Variants in SMIM41 observed in about 807,000 individuals in gnomAD.
SMIM41 encodes the protein small integral membrane protein 41.
intron 2 of SMIM41, among the ~76,000 whole-genome samples, chr12:52,091,645 C>T (rs188792848): frequency 3.3e-5 from 5 of 152,158 alleles, no homozygotes; most frequent in African/African-American, 1.2e-4. Context: ...TGTTATTGAA[C>T]GTTATTGAAC....
intron 2 of SMIM41, among the ~76,000 whole-genome samples, chr12:52,099,076 G>T (rs1940164024): frequency 6.6e-6 from 1 of 151,350 alleles, no homozygotes; most frequent in Non-Finnish European, 1.5e-5. Context: ...ATTGGGAGTA[G>T]TATCCTCTCT....
At position 52,081,160 on chromosome 12, in the gene SMIM41, C is replaced by T. The variant is rs1461051999; in HGVS notation, c.*120+979C>T. Among the ~76,000 whole-genome samples the T allele has an allele frequency of 6.6e-6, 1 of 152,096 alleles. No individual in the cohort carries two copies. The highest frequency in any genetic ancestry group is 2.1e-4 in the South Asian group (1 of 4,828). On this transcript the variant is annotated intron_variant, in intron 1 of 2. Transcript: ENST00000546390. This position sits in a 1 kb window ranked among gnomAD's most constrained non-coding sequence, Gnocchi z 4.1. ...GACAGAGCCACAGGGGCTGGAGAGG[C>T]CTTCTCTGTTCCTTCCCTCTGTTCA...
At position 52,095,705 on chromosome 12, in the gene SMIM41, C is replaced by T. The variant is rs140869120; in HGVS notation, c.*196-11674C>T. Among the ~76,000 whole-genome samples, 161 of 152,094 alleles carry T rather than the reference C, an allele frequency of 1.1e-3. 1 individual carries two copies. The highest frequency in any genetic ancestry group is 3.7e-3 in the African/African-American group (153 of 41,456). The stretch of plus-strand genomic sequence containing the variant: ...TCACTGGGGTGGTGTACATTTTCTG[C>T]GGTATTGGGAGTAACATCATCCTCT... On this transcript the variant is annotated intron_variant, in intron 2 of 2. Transcript: ENST00000546390.
At position 52,108,236 on chromosome 12, in the gene SMIM41, C is replaced by G. The variant is rs1446286341; in HGVS notation, c.*1053C>G. The stretch of plus-strand genomic sequence containing the variant: ...TGGGAAACAGGGATATTAAAAGTGT[C>G]TTGCGGCGGCCGCACGGCAGCACTG... On this transcript the variant is annotated 3_prime_UTR_variant, in exon 3 of 3. Coordinates refer to ENST00000546390, the MANE Select transcript of SMIM41 (RefSeq NM_001369216.1). 3 of 174,762 alleles carry G rather than the reference C, an allele frequency of 1.7e-5. No individual in the cohort carries two copies. Among genetic ancestry groups the G allele is most frequent in the Non-Finnish European group, 3.6e-5 (3 of 83,118 alleles). The allele number at this position is 174,762 out of a possible 1,614,324, so 10.8% of individuals were successfully genotyped here. A position where few individuals can be genotyped will look rare whatever the true frequency, so the allele number is the denominator to read the frequency against.
At chr12:52,102,982 A>T (rs1473532304) in intron 2 of SMIM41, among the ~76,000 whole-genome samples, 4 of 152,208 alleles carry the variant, frequency 2.6e-5, no homozygotes, top group African/African-American at 9.6e-5. Context: ...ATGAATGAAA[A>T]AACACGCTGC....
At chr12:52,084,373 C>CA (rs1221772416) in intron 2 of SMIM41, among the ~76,000 whole-genome samples, 3,333 of 77,744 alleles carry the variant, frequency 0.043, 101 homozygotes, top group Admixed American at 0.12. Context: ...ACATCAACCA[C>CA]AAAAAAAAAA....
chr12:52,080,326 T>C (rs1207747411), intron 1 of SMIM41, 145 bp downstream of exon 1: 1 of 154,688 alleles, frequency 6.5e-6, no homozygotes, highest in African/African-American at 2.4e-5. Flanking sequence ...CCCAGCTCTG[T>C]AAGTCCACGG....
chr12:52,097,819 T>A (rs1481646000), intron 2 of SMIM41, among the ~76,000 whole-genome samples: 4 of 152,002 alleles, frequency 2.6e-5, no homozygotes, highest in Non-Finnish European at 5.9e-5. Context: ...AGTAGCAATA[T>A]CACAGGGGGG....
intron 2 of SMIM41, among the ~76,000 whole-genome samples, chr12:52,091,737 A>T (rs1176212414): frequency 6.6e-6 from 1 of 152,206 alleles, no homozygotes; most frequent in Admixed American, 6.5e-5. Flanking sequence ...TAGCTCCTTA[A>T]CTTTCTCAAA....
chr12:52,094,434 C>G (rs2120686662), intron 2 of SMIM41, among the ~76,000 whole-genome samples: 1 of 152,220 alleles, frequency 6.6e-6, no homozygotes, highest in South Asian at 2.1e-4. Flanking sequence ...AACTCCTGAC[C>G]TCAGGTGATC....
At chr12:52,104,547 T>G (rs572895558) in intron 2 of SMIM41, among the ~76,000 whole-genome samples, 1 of 152,066 alleles carries the variant, frequency 6.6e-6, no homozygotes, top group Non-Finnish European at 1.5e-5. Context: ...GAGGGACGGT[T>G]GGGAGCCTTG....
At chr12:52,085,531 G>A (rs952609963) in intron 2 of SMIM41, among the ~76,000 whole-genome samples, 11 of 152,170 alleles carry the variant, frequency 7.2e-5, no homozygotes, top group Non-Finnish European at 5.9e-5. Context: ...GATGGTGTGC[G>A]TTCCCGGCCT....
chr12:52,091,646 G>A lies in SMIM41; in HGVS notation c.*195+7678G>A, dbSNP rs77206733. On this transcript the variant is annotated intron_variant, in intron 2 of 2. Coordinates refer to ENST00000546390, the MANE Select transcript of SMIM41 (RefSeq NM_001369216.1). ...ACCATGGAGAAATATGTTATTGAAC[G>A]TTATTGAACAAGTGGAACTGCCCCT... Among the ~76,000 whole-genome samples, 1,313 of 152,318 alleles carry A rather than the reference G, an allele frequency of 8.6e-3. 17 individuals carry two copies. Among genetic ancestry groups the A allele is most frequent in the African/African-American group, 0.029 (1,224 of 41,570 alleles).
intron 1 of SMIM41, among the ~76,000 whole-genome samples, chr12:52,083,257 C>T (rs1939844259): frequency 7.0e-6 from 1 of 141,914 alleles, no homozygotes; most frequent in Admixed American, 6.8e-5. Context: ...AGTGACCGGC[C>T]CCTGCTGCAA....
intron 2 of SMIM41, chr12:52,087,598 A>C (rs1178189919): frequency 6.6e-6 from 1 of 152,522 alleles, no homozygotes; most frequent in South Asian, 2.1e-4. Context: ...TTCCCGAAGA[A>C]GCTCGGTGCC....
At chr12:52,095,510 C>T (rs2120690262) in intron 2 of SMIM41, among the ~76,000 whole-genome samples, 1 of 152,248 alleles carries the variant, frequency 6.6e-6, no homozygotes, top group African/African-American at 2.4e-5. Flanking sequence ...TCCTGTTCCC[C>T]CTGGATATTA....
Position 52,107,529 on chromosome 12 carries a change from T to C in SMIM41, c.*346T>C. The C allele has an allele frequency of 1.0e-6, 1 of 977,844 alleles. No homozygotes were observed. Among genetic ancestry groups the C allele is most frequent in the Non-Finnish European group, 1.6e-6 (1 of 635,570 alleles). 60.6% of individuals were successfully genotyped at this position (977,844 alleles called of 1,614,324 possible). A position where few individuals can be genotyped will look rare whatever the true frequency, so the allele number is the denominator to read the frequency against. Reference sequence around the variant, plus strand: ...CATGTACTTCTTCCTCTCCAACCTGTCCTTGCCTGACATCGGTTTCACCTC... The same window carrying C: ...CATGTACTTCTTCCTCTCCAACCTGCCCTTGCCTGACATCGGTTTCACCTC... On this transcript the variant is annotated 3_prime_UTR_variant, in exon 3 of 3. Coordinates refer to ENST00000546390, the MANE Select transcript of SMIM41 (RefSeq NM_001369216.1).
intron 1 of SMIM41, among the ~76,000 whole-genome samples, chr12:52,083,189 C>A (rs1197410526): frequency 6.6e-6 from 1 of 152,150 alleles, no homozygotes; most frequent in Non-Finnish European, 1.5e-5. Context: ...GCCTTCTGGC[C>A]TCTGAGGACA....
chr12:52,085,194 C>A (rs1939876154), intron 2 of SMIM41, among the ~76,000 whole-genome samples: 1 of 152,252 alleles, frequency 6.6e-6, no homozygotes. Context: ...ACAGGCCCAG[C>A]ATGATTCAGG....
Sources: gnomAD v4.1 joint callset for allele counts (sites outside exome capture counted in the v4.1 genomes callset) on GRCh38, gnomAD v4.1.1 for gene constraint, Gnocchi (gnomAD v3.1) non-coding constraint, MANE v1.5 for transcripts, NCBI Gene and HGNC (gene_info 2026-07-23, HGNC 2026-07-21) for gene names.